Variants in ADAMTS3 observed in about 807,000 individuals in gnomAD.
The protein encoded by ADAMTS3 is A disintegrin and metalloproteinase with thrombospondin motifs 3.
Under a neutral mutation model 129.0 loss-of-function variants are expected in ADAMTS3, and 73 were observed. That is an observed-to-expected ratio of 0.57 (90% CI 0.47 to 0.69). The LOEUF is 0.69. Among genes scored for constraint, ADAMTS3 ranks in the 30% least tolerant of loss-of-function variants. The probability of loss-of-function intolerance (pLI) is 0.00; values close to 1 mark genes in which losing one functional copy is unlikely to be tolerated. For missense variants in ADAMTS3, 1,457 were observed against 1,514.5 expected (o/e 0.96, Z 0.63); for synonymous variants, 477 against 510.8 (o/e 0.93, Z 0.89).
intron 4 of ADAMTS3, among the ~76,000 whole-genome samples, chr4:72,356,441 T>A (rs943625369): frequency 2.4e-4 from 37 of 152,066 alleles, no homozygotes; most frequent in African/African-American, 7.5e-4. Flanking sequence ...GGATTTTGTA[T>A]TTGTGAGTTC....
At chr4:72,381,328 C>T (rs1721284255) in intron 4 of ADAMTS3, among the ~76,000 whole-genome samples, 1 of 152,106 alleles carries the variant, frequency 6.6e-6, no homozygotes, top group Non-Finnish European at 1.5e-5. Flanking sequence ...AACTGAATGC[C>T]TAATCAATGA....
chr4:72,447,568 T>G (rs1168448327), intron 3 of ADAMTS3, among the ~76,000 whole-genome samples: 1 of 151,748 alleles, frequency 6.6e-6, no homozygotes, highest in African/African-American at 2.4e-5. Flanking sequence ...AATGTAGATG[T>G]AAAAATTACT....
Position 72,455,470 on chromosome 4 carries a change from A to G in ADAMTS3, c.505-40499T>C, listed in dbSNP as rs13142664. On this transcript the variant is annotated intron_variant, in intron 3 of 21. Coordinates refer to ENST00000286657, the MANE Select transcript of ADAMTS3 (RefSeq NM_014243.3). The stretch of plus-strand genomic sequence containing the variant: ...AGGGGAACATCACGCACCAGGGCCT[A>G]TTGGGGGTGGGGAACTATGGGAGCG... Among the ~76,000 whole-genome samples, 153 of 151,368 alleles carry G rather than the reference A, an allele frequency of 1.0e-3. 2 individuals carry two copies. In the East Asian group the frequency reaches 0.028, roughly 28 times the overall value.
chr4:72,291,017 A>G lies in ADAMTS3; in HGVS notation c.2769T>C (p.Ser923=), dbSNP rs1296281147. 1 of 1,614,006 alleles carries G rather than the reference A, an allele frequency of 6.2e-7. No homozygotes were observed. The highest frequency in any genetic ancestry group is 2.2e-5 in the East Asian group (1 of 44,828). Residue 923 remains serine, a synonymous_variant, in exon 20 of 22, where the codon AGT becomes AGC. Transcript: ENST00000286657. The part of the protein sequence containing the change: ...EWEHCTKTCG[S]SGYQLRTVRC... The stretch of plus-strand genomic sequence containing the variant: ...GTACAGTGCGAAGCTGATAGCCAGA[A>G]CTTCCACAGGTTTTGGTGCAGTGTT...
At chr4:72,333,708 A>T (rs886375134) in intron 5 of ADAMTS3, among the ~76,000 whole-genome samples, 1 of 152,174 alleles carries the variant, frequency 6.6e-6, no homozygotes, top group Non-Finnish European at 1.5e-5. Flanking sequence ...AATTTGAGCC[A>T]CAATGACCTT....
At chr4:72,496,633 A>G (rs990213533) in intron 3 of ADAMTS3, among the ~76,000 whole-genome samples, 4 of 152,138 alleles carry the variant, frequency 2.6e-5, no homozygotes, top group Non-Finnish European at 4.4e-5. Context: ...TAGTGTCAGA[A>G]GCCATCGATT....
At chr4:72,434,095 C>T (rs570863297) in intron 3 of ADAMTS3, among the ~76,000 whole-genome samples, 1 of 151,464 alleles carries the variant, frequency 6.6e-6, no homozygotes, top group Non-Finnish European at 1.5e-5. Context: ...TTTAGATGGC[C>T]ACATGAGAAC....
At chr4:72,340,351 G>A (rs192289561) in intron 4 of ADAMTS3, among the ~76,000 whole-genome samples, 276 of 150,356 alleles carry the variant, frequency 1.8e-3, no homozygotes, top group African/African-American at 6.4e-3. Flanking sequence ...GTGTATGTGT[G>A]TGTGGATAAG....
chr4:72,468,696 A>C (rs994625628), intron 3 of ADAMTS3, among the ~76,000 whole-genome samples: 1 of 152,020 alleles, frequency 6.6e-6, no homozygotes, highest in African/African-American at 2.4e-5. Context: ...ACAACATTGC[A>C]TCAAACACAT....
rs764368780 is a variant in ADAMTS3, at chr4:72,309,434, G to T, written c.2142C>A (p.Thr714=). 1.2e-6 allele frequency: 2 copies of T among 1,611,830 alleles called. No individual in the cohort carries two copies. Among genetic ancestry groups the T allele is most frequent in the African/African-American group, 2.7e-5 (2 of 74,736 alleles). ...VCGGDNSHCR[T]VKGTFTRTPR... ...GAGTTCTGGTAAATGTCCCCTTCAC[G>T]GTTCGGCAGTGGGAATTATCTCCTC... Residue 714 remains threonine, a synonymous_variant, in exon 15 of 22, where the codon ACC becomes ACA. Transcript: ENST00000286657.
At chr4:72,315,575 C>T (rs963714600) in intron 11 of ADAMTS3, among the ~76,000 whole-genome samples, 7 of 152,098 alleles carry the variant, frequency 4.6e-5, no homozygotes, top group African/African-American at 1.7e-4. Context: ...ATGGCCCTGC[C>T]CACACACTGA....
At chr4:72,546,386 A>G (rs1206646326) in intron 3 of ADAMTS3, among the ~76,000 whole-genome samples, 1 of 152,118 alleles carries the variant, frequency 6.6e-6, no homozygotes, top group Non-Finnish European at 1.5e-5. Flanking sequence ...AGTTTATCCA[A>G]TTTACACTCT....
chr4:72,536,694 C>T lies in ADAMTS3; in HGVS notation c.504+11784G>A, dbSNP rs537412057. Among the ~76,000 whole-genome samples the T allele has an allele frequency of 3.9e-5, 6 of 152,178 alleles. No individual in the cohort carries two copies. The East Asian group carries it at 1.2e-3, about 29-fold the overall frequency. ...AAGTGATAGAACTGGAACTAGAGTC[C>T]AAGTTTGTCTAATTCTAAAACAACA... On this transcript the variant is annotated intron_variant, in intron 3 of 21. Transcript: ENST00000286657.
intron 3 of ADAMTS3, among the ~76,000 whole-genome samples, chr4:72,415,870 T>C (rs1277129461): frequency 6.6e-6 from 1 of 151,990 alleles, no homozygotes; most frequent in Non-Finnish European, 1.5e-5. Flanking sequence ...TAATACGAAA[T>C]ATTAATTTAA....
chr4:72,320,402 T>C (rs1454945173), intron 7 of ADAMTS3, among the ~76,000 whole-genome samples: 3 of 152,200 alleles, frequency 2.0e-5, no homozygotes, highest in Non-Finnish European at 4.4e-5. Flanking sequence ...AGCAGTCATT[T>C]CTCATGGCAT....
Position 72,481,800 on chromosome 4 carries a change from G to C in ADAMTS3, c.504+66678C>G, listed in dbSNP as rs114430828. 8.7e-3 allele frequency among the ~76,000 whole-genome samples: 1,319 copies of C among 152,008 alleles called. 9 individuals are homozygous for C. Among genetic ancestry groups the C allele is most frequent in the African/African-American group, 0.03 (1,255 of 41,492 alleles). ...ATATCTGACAAAGGAAAATTTTCTAGAATAGATTAGCTCAAAATGTAAATT... is the reference window on the plus strand; with the variant it reads ...ATATCTGACAAAGGAAAATTTTCTACAATAGATTAGCTCAAAATGTAAATT... On this transcript the variant is annotated intron_variant, in intron 3 of 21. Coordinates refer to ENST00000286657, the MANE Select transcript of ADAMTS3 (RefSeq NM_014243.3).
chr4:72,377,502 C>G (rs1721162702), intron 4 of ADAMTS3, among the ~76,000 whole-genome samples: 1 of 152,180 alleles, frequency 6.6e-6, no homozygotes, highest in South Asian at 2.1e-4. Context: ...AAAATCAGTT[C>G]AGAAAGGCCT....
At chr4:72,335,752 A>G (rs768880389) in intron 5 of ADAMTS3, among the ~76,000 whole-genome samples, 181 of 152,286 alleles carry the variant, frequency 1.2e-3, no homozygotes, top group Non-Finnish European at 1.7e-3. Flanking sequence ...AATATATGAT[A>G]CCCAATAATA....
intron 3 of ADAMTS3, among the ~76,000 whole-genome samples, chr4:72,471,760 A>C (rs1335685196): frequency 1.3e-5 from 2 of 152,082 alleles, no homozygotes; most frequent in African/African-American, 4.8e-5. Context: ...ATATATGCCA[A>C]GTTTATTATA....
Sources: gnomAD v4.1 joint callset for allele counts (sites outside exome capture counted in the v4.1 genomes callset) on GRCh38, gnomAD v4.1.1 for gene constraint, MANE v1.5 for transcripts, NCBI Gene and HGNC (gene_info 2026-07-23, HGNC 2026-07-21) for gene names.